TENT4A: variants seen among roughly 807,000 people sequenced by gnomAD.
TENT4A encodes terminal nucleotidyltransferase 4A.
TENT4A carries 7 observed loss-of-function variants against 72.8 expected under a neutral mutation model. The ratio of observed to expected loss-of-function variants is 0.10; its 90% CI spans 0.05 to 0.18. The LOEUF is 0.18. Among genes scored for constraint, TENT4A ranks in the 10% least tolerant of loss-of-function variants. The pLI, the probability that TENT4A is intolerant of heterozygous loss-of-function variation, is 1.00. For synonymous variants in TENT4A, 456 were observed against 434.3 expected, an observed-to-expected ratio of 1.05 and a Z score of -0.62; for missense variants, 831 against 1,017.7, an observed-to-expected ratio of 0.82 and a Z score of 2.50.
At chr5:6,741,343 C>T (rs888222921) in intron 4 of TENT4A, among the ~76,000 whole-genome samples, 2 of 152,144 alleles carry the variant, frequency 1.3e-5, no homozygotes, top group African/African-American at 2.4e-5. Context: ...GGAACAACAA[C>T]CCAAAACTGT....
chr5:6,726,945 G>A (rs1264017045), intron 1 of TENT4A, among the ~76,000 whole-genome samples: 1 of 152,170 alleles, frequency 6.6e-6, no homozygotes, highest in Non-Finnish European at 1.5e-5. Flanking sequence ...GTGGGTGGGA[G>A]TGTCTGTCTT....
intron 1 of TENT4A, among the ~76,000 whole-genome samples, chr5:6,717,920 A>C (rs1269993809): frequency 6.6e-6 from 1 of 152,112 alleles, no homozygotes; most frequent in African/African-American, 2.4e-5. Flanking sequence ...TGGCCCTCAG[A>C]TATTTGGCCA....
intron 7 of TENT4A, among the ~76,000 whole-genome samples, chr5:6,746,663 C>A (rs915884417): frequency 6.6e-6 from 1 of 152,196 alleles, no homozygotes; most frequent in African/African-American, 2.4e-5. Flanking sequence ...TAAGGAAAAT[C>A]TTTTCTTTTT....
Position 6,756,827 on chromosome 5 carries a change from TAAAACTCGATTC to T in TENT4A, c.*1884_*1895del, listed in dbSNP as rs1466946892. On this transcript the variant is annotated 3_prime_UTR_variant, in exon 13 of 13. Coordinates refer to ENST00000230859, the MANE Select transcript of TENT4A (RefSeq NM_006999.6). ...TGCGTGTCCCGTGGGGTGTGCATTT[TAAAACTCGATTC>T]ATAGACACAGGTACCATGTTCCATT... The T allele has an allele frequency of 1.3e-5, 2 of 152,618 alleles. No homozygotes were observed. The highest frequency in any genetic ancestry group is 2.9e-5 in the Non-Finnish European group (2 of 68,042). 9.5% of individuals were successfully genotyped at this position (152,618 alleles called of 1,614,324 possible). A position where few individuals can be genotyped will look rare whatever the true frequency, so the allele number is the denominator to read the frequency against.
Position 6,746,405 on chromosome 5 carries a change from C to T in TENT4A, c.1437C>T (p.Cys479=). 6.2e-7 allele frequency: 1 copy of T among 1,614,130 alleles called. No individual in the cohort carries two copies. The highest frequency in any genetic ancestry group is 8.5e-7 in the Non-Finnish European group (1 of 1,180,010). Residue 479 remains cysteine (C), a synonymous_variant, in exon 7 of 13, where the codon TGC becomes TGT. Transcript: ENST00000230859. ...MTSGYRPSML[C]IEDPLLPGND... is the part of the protein sequence containing the mutation. The stretch of plus-strand genomic sequence containing the variant: ...GCGGGTACAGACCGTCGATGCTGTG[C>T]ATTGAGGACCCCCTGCTGCCAGGTA...
intron 1 of TENT4A, among the ~76,000 whole-genome samples, chr5:6,730,441 T>C (rs143117918): frequency 3.3e-5 from 5 of 152,332 alleles, no homozygotes; most frequent in Admixed American, 6.5e-5. Context: ...CGAGTTAGCA[T>C]TGGCTGTCTC....
At chr5:6,734,601 CAA>C (rs1561034235) in intron 1 of TENT4A, among the ~76,000 whole-genome samples, 1 of 152,248 alleles carries the variant, frequency 6.6e-6, no homozygotes, top group African/African-American at 2.4e-5. Flanking sequence ...GAAGGCAAAA[CAA>C]AATTATTCCT....
rs756669366 is a variant in TENT4A at position 6,751,052 on chromosome 5, C to T, written c.1874C>T (p.Pro625Leu). 12 of 1,614,016 alleles carry T rather than the reference C, an allele frequency of 7.4e-6. No individual in the cohort carries two copies. The highest frequency in any genetic ancestry group is 2.2e-5 in the East Asian group (1 of 44,894). Reference protein sequence around the residue: ...LSGSDVDSDTPPCTTPSVYQF... With the variant: ...LSGSDVDSDTLPCTTPSVYQF... Reference sequence around the variant, plus strand: ...ACCGGGTTCAAGGATTCAGACACACCGCCCTGCACAACGCCCAGTGTTTAC... The same window carrying T: ...ACCGGGTTCAAGGATTCAGACACACTGCCCTGCACAACGCCCAGTGTTTAC... The change falls in exon 11 of 13, where the codon CCG (proline) becomes CTG (leucine). Residue 625 changes from proline (P) to leucine (L), a missense_variant. Coordinates refer to ENST00000230859, the MANE Select transcript of TENT4A (RefSeq NM_006999.6).
intron 8 of TENT4A, 41 bp from the exon 9 acceptor site, chr5:6,749,516 C>T (rs779681989): frequency 7.5e-7 from 1 of 1,329,594 alleles, no homozygotes; most frequent in South Asian, 1.2e-5. Flanking sequence ...CTCCCTGACA[C>T]CTGTTGTACT....
chr5:6,753,886 C>A lies in TENT4A; in HGVS notation c.2184+849C>A, dbSNP rs6555407. Among the ~76,000 whole-genome samples, 975 of 152,346 alleles carry A rather than the reference C, an allele frequency of 6.4e-3. 12 individuals carry two copies. Among genetic ancestry groups the A allele is most frequent in the African/African-American group, 0.021 (881 of 41,582 alleles). ...CACATTCAGGGTGAAAGAACAACTT[C>A]GCACACCGGCCTCTTCTTTGCATTT... On this transcript the variant is annotated intron_variant, in intron 12 of 12. Transcript: ENST00000230859.
At chr5:6,724,999 C>T (rs144526056) in intron 1 of TENT4A, among the ~76,000 whole-genome samples, 90 of 152,268 alleles carry the variant, frequency 5.9e-4, no homozygotes, top group African/African-American at 2.0e-3. Flanking sequence ...TAGAGCAAAG[C>T]GAGAATTGTC....
intron 6 of TENT4A, among the ~76,000 whole-genome samples, chr5:6,744,261 ACAT>A (rs1232299861): frequency 6.6e-6 from 1 of 152,270 alleles, no homozygotes; most frequent in Non-Finnish European, 1.5e-5. Flanking sequence ...GACTGATGAA[ACAT>A]CATTATTTTG....
intron 6 of TENT4A, 114 bp from the exon 7 acceptor site, chr5:6,746,100 G>A (rs1222423930): frequency 1.9e-6 from 3 of 1,559,328 alleles, no homozygotes; most frequent in Non-Finnish European, 2.6e-6. Context: ...GTGAGCGAGT[G>A]CCACTCACTG....
At chr5:6,734,333 CAA>C (rs1561034019) in intron 1 of TENT4A, among the ~76,000 whole-genome samples, 1 of 152,236 alleles carries the variant, frequency 6.6e-6, no homozygotes, top group Admixed American at 6.5e-5. Flanking sequence ...GAGGGCCTCA[CAA>C]AGAGCCAAGC....
intron 1 of TENT4A, among the ~76,000 whole-genome samples, chr5:6,715,310 A>G (rs1251030250): frequency 6.6e-6 from 1 of 152,204 alleles, no homozygotes; most frequent in East Asian, 1.9e-4. Flanking sequence ...ATTCTTTGGA[A>G]GGTGCCATTT....
chr5:6,720,569 G>C (rs780932134), intron 1 of TENT4A, among the ~76,000 whole-genome samples: 2 of 151,904 alleles, frequency 1.3e-5, no homozygotes, highest in Non-Finnish European at 2.9e-5. Context: ...AGGACTACTC[G>C]GGAGGCAGAG....
At chr5:6,741,341 A>C (rs1741794942) in intron 4 of TENT4A, among the ~76,000 whole-genome samples, 1 of 152,160 alleles carries the variant, frequency 6.6e-6, no homozygotes, top group Non-Finnish European at 1.5e-5. Flanking sequence ...TTGGAACAAC[A>C]ACCCAAAACT....
intron 12 of TENT4A, 142 bp downstream of exon 12, chr5:6,753,179 T>A (rs1268184435): frequency 5.0e-6 from 4 of 806,394 alleles, no homozygotes; most frequent in African/African-American, 1.7e-5. Context: ...GCCTGTTTGC[T>A]TGTCTTTCCA....
chr5:6,751,344 C>A, intron 11 of TENT4A, 147 bp downstream of exon 11: 2 of 818,524 alleles, frequency 2.4e-6, no homozygotes, highest in Non-Finnish European at 3.9e-6. Context: ...TCTAGGAAAT[C>A]CTCTCTTTTT....
Sources: allele counts gnomAD v4.1 joint callset (sites outside exome capture counted in the v4.1 genomes callset), GRCh38; gene constraint gnomAD v4.1.1; transcripts MANE v1.5; gene names NCBI Gene and HGNC (gene_info 2026-07-23, HGNC 2026-07-21).